Variants in BST1 observed in about 807,000 individuals in gnomAD.
BST1 encodes ADP-ribosyl cyclase/cyclic ADP-ribose hydrolase 2.
BST1 carries 49 observed loss-of-function variants against 40.6 expected under a neutral mutation model. That is an observed-to-expected ratio of 1.21 (90% CI 0.96 to 1.53). BST1 has a LOEUF of 1.53. Among genes scored for constraint, BST1 ranks in the 40% most tolerant of loss-of-function variants. BST1 has a pLI of 0.00. For missense variants in BST1, 423 were observed against 395.9 expected (o/e 1.07, Z -0.58); for synonymous variants, 157 against 159.3 (o/e 0.99, Z 0.11).
the BST1 span, among the ~76,000 whole-genome samples, chr4:15,752,161 T>C: frequency 1.3e-5 from 2 of 152,156 alleles, 1 homozygote. Context: ...ATCTATTCAG[T>C]AAATGGGCAA....
At chr4:15,757,629 A>T in the BST1 span, among the ~76,000 whole-genome samples, 9 of 151,868 alleles carry the variant, frequency 5.9e-5, no homozygotes, top group East Asian at 9.7e-4. Flanking sequence ...AATTTCTTTT[A>T]AAAATTTTAT....
At chr4:15,730,512 A>G (rs1577596876) in intron 8 of BST1, among the ~76,000 whole-genome samples, 1 of 152,160 alleles carries the variant, frequency 6.6e-6, no homozygotes, top group African/African-American at 2.4e-5. Context: ...GAATGAGTTA[A>G]CTCCCTGTGT....
chr4:15,709,971 T>A (rs1196608779), intron 3 of BST1, among the ~76,000 whole-genome samples: 4 of 151,950 alleles, frequency 2.6e-5, no homozygotes, highest in Non-Finnish European at 5.9e-5. Context: ...ATTTATATTT[T>A]AAAATCATTA....
the BST1 span, among the ~76,000 whole-genome samples, chr4:15,759,300 C>G: frequency 1.3e-4 from 20 of 151,960 alleles, no homozygotes; most frequent in Middle Eastern, 0.01. Flanking sequence ...ACTGGTAGAA[C>G]GCCCAGCAGT....
At chr4:15,716,069 G>A (rs947853628) in intron 6 of BST1, among the ~76,000 whole-genome samples, 1 of 152,090 alleles carries the variant, frequency 6.6e-6, no homozygotes, top group Non-Finnish European at 1.5e-5. Flanking sequence ...GCTTTGGATG[G>A]GTGAGTTCCT....
chr4:15,763,011 A>G, the BST1 span, among the ~76,000 whole-genome samples: 14 of 152,126 alleles, frequency 9.2e-5, no homozygotes, highest in East Asian at 3.9e-4. Flanking sequence ...ATAATGCTGT[A>G]ATGAACATGA....
At chr4:15,715,870 C>A in intron 6 of BST1, 71 bp downstream of exon 6, 3 of 1,156,260 alleles carry the variant, frequency 2.6e-6, no homozygotes, top group South Asian at 1.8e-5. Flanking sequence ...TGATAAAGTT[C>A]GTTTAACATT....
At chr4:15,704,825 AT>A in intron 1 of BST1, 1 of 709,874 alleles carries the variant, frequency 1.4e-6, no homozygotes. Context: ...CCAGTGCTGC[AT>A]TTCTTACTGA....
chr4:15,760,561 C>A, the BST1 span, among the ~76,000 whole-genome samples: 1 of 151,730 alleles, frequency 6.6e-6, no homozygotes, highest in African/African-American at 2.4e-5. Context: ...TGATCCAGTG[C>A]TGACATATGG....
intron 4 of BST1, among the ~76,000 whole-genome samples, chr4:15,713,953 C>T (rs997467726): frequency 6.6e-6 from 1 of 152,174 alleles, no homozygotes; most frequent in Admixed American, 6.5e-5. Context: ...ATCTGCCCAC[C>T]TCAGTCTCCC....
chr4:15,768,889 G>A, the BST1 span, among the ~76,000 whole-genome samples: 2 of 152,184 alleles, frequency 1.3e-5, no homozygotes, highest in African/African-American at 2.4e-5. Context: ...CCAAGAGCAT[G>A]TTTCCAGAAG....
chr4:15,744,283 G>A, the BST1 span, among the ~76,000 whole-genome samples: 1 of 152,150 alleles, frequency 6.6e-6, no homozygotes, highest in Non-Finnish European at 1.5e-5. Context: ...AAAGGAAAGA[G>A]GTTTAATTGA....
At chr4:15,770,695 G>A in the BST1 span, among the ~76,000 whole-genome samples, 101 of 152,222 alleles carry the variant, frequency 6.6e-4, 1 homozygote, top group Middle Eastern at 3.4e-3. Context: ...GTGAGACTCC[G>A]TCTCAAAACA....
chr4:15,713,533 C>T lies in BST1; in HGVS notation c.534+1644C>T, dbSNP rs76124104. On this transcript the variant is annotated intron_variant, in intron 4 of 8. Transcript: ENST00000265016. ...TCTGTGAGGCAGAGACTTTTAACAC[C>T]CTTATTTTACAGATAATAAAGTAAG... Among the ~76,000 whole-genome samples, 3 of 151,994 alleles carry T rather than the reference C, an allele frequency of 2.0e-5. No homozygotes were observed. In the East Asian group the frequency reaches 5.8e-4, roughly 29 times the overall value.
chr4:15,726,026 A>G (rs567273180), intron 8 of BST1, among the ~76,000 whole-genome samples: 4 of 144,728 alleles, frequency 2.8e-5, no homozygotes, highest in African/African-American at 7.8e-5. Context: ...CAGTGGCACA[A>G]TCACGGCTCA....
chr4:15,708,619 T>G (rs958135731), intron 3 of BST1, among the ~76,000 whole-genome samples: 4 of 152,046 alleles, frequency 2.6e-5, no homozygotes, highest in African/African-American at 9.7e-5. Flanking sequence ...TAGCTCACGC[T>G]TGTAATCCTA....
intron 3 of BST1, among the ~76,000 whole-genome samples, chr4:15,711,413 A>C (rs1720196542): frequency 6.6e-6 from 1 of 152,220 alleles, no homozygotes; most frequent in African/African-American, 2.4e-5. Context: ...ATAATGGCTA[A>C]CAATTTAATT....
chr4:15,754,337 A>G, the BST1 span, among the ~76,000 whole-genome samples: 1 of 152,182 alleles, frequency 6.6e-6, no homozygotes, highest in Non-Finnish European at 1.5e-5. Flanking sequence ...AACTGGCCTA[A>G]AAGAACCCAA....
At chr4:15,753,504 A>G in the BST1 span, among the ~76,000 whole-genome samples, 1 of 152,316 alleles carries the variant, frequency 6.6e-6, no homozygotes, top group African/African-American at 2.4e-5. Context: ...CATAATTATT[A>G]GTAGCATCCC....
Sources: gnomAD v4.1 joint callset for allele counts (sites outside exome capture counted in the v4.1 genomes callset) on GRCh38, gnomAD v4.1.1 for gene constraint, MANE v1.5 for transcripts, NCBI Gene and HGNC (gene_info 2026-07-23, HGNC 2026-07-21) for gene names.